RBM19: variants seen among roughly 807,000 people sequenced by gnomAD.
RBM19 encodes the protein probable RNA-binding protein 19.
In RBM19, 94 loss-of-function variants were observed where a neutral mutation model predicts 116.8. The observed-to-expected ratio is 0.80, with a 90% CI of 0.68 to 0.95. The LOEUF (loss-of-function observed/expected upper bound fraction) is 0.95. Among genes scored for constraint, RBM19 ranks in the 40% least tolerant of loss-of-function variants. The probability of loss-of-function intolerance (pLI) is 0.00; values close to 1 mark genes in which losing one functional copy is unlikely to be tolerated. For missense variants in RBM19, 1,161 were observed against 1,220.7 expected (o/e 0.95, Z 0.73); for synonymous variants, 475 against 494.1 (o/e 0.96, Z 0.51).
At chr12:113,877,316 C>T (rs4767154) in intron 21 of RBM19, among the ~76,000 whole-genome samples, 27,638 of 152,188 alleles carry the variant, frequency 0.18, 3,244 homozygotes, top group East Asian at 0.47. Context: ...CCCGTTACCA[C>T]AGAAGAAGCA....
downstream of RBM19, among the ~76,000 whole-genome samples, chr12:113,819,531 T>A (rs962458936): frequency 6.6e-6 from 1 of 152,206 alleles, no homozygotes; most frequent in Non-Finnish European, 1.5e-5. Flanking sequence ...GAGTGCTCCC[T>A]CCTCAGTGCC....
At chr12:113,958,542 T>A (rs1229281681) in intron 5 of RBM19, among the ~76,000 whole-genome samples, 3 of 152,158 alleles carry the variant, frequency 2.0e-5, no homozygotes, top group Non-Finnish European at 4.4e-5. Flanking sequence ...TTCCCTTGAC[T>A]GGAACCCCTT....
chr12:113,819,533 C>T (rs1874283964), downstream of RBM19, among the ~76,000 whole-genome samples: 1 of 152,248 alleles, frequency 6.6e-6, no homozygotes, highest in Non-Finnish European at 1.5e-5. Flanking sequence ...GTGCTCCCTC[C>T]TCAGTGCCAC....
intron 23 of RBM19, among the ~76,000 whole-genome samples, chr12:113,831,199 A>AC (rs1217402253): frequency 1.3e-5 from 2 of 152,250 alleles, no homozygotes; most frequent in East Asian, 3.9e-4. Context: ...TTGTTTTCAT[A>AC]ACTGGTAGGC....
chr12:113,871,602 C>A (rs981020094), intron 21 of RBM19, among the ~76,000 whole-genome samples: 11 of 152,204 alleles, frequency 7.2e-5, no homozygotes, highest in African/African-American at 2.7e-4. Flanking sequence ...ACGACGGGGA[C>A]GTAGGCTTTA....
intron 14 of RBM19, 138 bp from the exon 15 acceptor site, chr12:113,940,298 C>G (rs1249259066): frequency 9.4e-6 from 8 of 855,374 alleles, no homozygotes; most frequent in African/African-American, 1.7e-5. Flanking sequence ...GAGGAAGACC[C>G]AGGAGGAACG....
chr12:113,816,896 T>C (rs895530306), exon 25 of RBM19: 4 of 152,042 alleles, frequency 2.6e-5, no homozygotes, highest in African/African-American at 9.7e-5. Context: ...TACCAAAGGG[T>C]TAAAGTCATT....
intron 8 of RBM19, among the ~76,000 whole-genome samples, chr12:113,951,789 T>C (rs1871491739): frequency 6.6e-6 from 1 of 152,138 alleles, no homozygotes; most frequent in African/African-American, 2.4e-5. Context: ...TCAAGCACAC[T>C]TTCTTCCCCA....
At chr12:113,856,997 T>C (rs191756722) in intron 22 of RBM19, among the ~76,000 whole-genome samples, 3 of 152,356 alleles carry the variant, frequency 2.0e-5, no homozygotes, top group Admixed American at 6.5e-5. Flanking sequence ...TTGAAGTTTG[T>C]ATTGTAACAA....
chr12:113,957,876 G>A lies in RBM19; in HGVS notation c.746C>T (p.Ala249Val). The change falls in exon 6 of 24, where the codon GCC (alanine) becomes GTC (valine). Residue 249 changes from alanine to valine, a missense_variant. By Grantham distance (64) the Ala-to-Val change is moderately conservative. Transcript: ENST00000261741. ...GTCTCTTTCCTGCAGGACTGGGGTG[G>A]CGGAGGAATCCTCTTCCTCGGCCTC... is the stretch of plus-strand genomic sequence containing the variant. ...GSEAEEEDSS[A>V]TPVLQERDSK... 1 of 1,614,134 alleles carries A rather than the reference G, an allele frequency of 6.2e-7. No individual in the cohort carries two copies. Among genetic ancestry groups the A allele is most frequent in the African/African-American group, 1.3e-5 (1 of 75,042 alleles).
rs1401840485 is a variant in RBM19 at position 113,897,367 on chromosome 12, C to T, written c.2558+17602G>A. On this transcript the variant is annotated intron_variant, in intron 21 of 23. Transcript: ENST00000261741. ...TTTTAGTAGAGATGGGGTTTTACCC[C>T]GTTGGCCAGGCTGGTCTCAAGCTCC... 6.6e-5 allele frequency among the ~76,000 whole-genome samples: 10 copies of T among 152,288 alleles called. No individual in the cohort carries two copies. In the South Asian group the frequency reaches 1.0e-3, roughly 16 times the overall value.
rs115675904 is a variant in RBM19, at chr12:113,838,944, G to A, written c.2785+5724C>T. On this transcript the variant is annotated intron_variant, in intron 23 of 23. Transcript: ENST00000261741. ...GCCACTTCCCACTGTCCCTGAGTGCGGCTCACAGGCTACGGTGTCACCGGC... is the reference window on the plus strand; with the variant it reads ...GCCACTTCCCACTGTCCCTGAGTGCAGCTCACAGGCTACGGTGTCACCGGC... Among the ~76,000 whole-genome samples the A allele has an allele frequency of 8.9e-3, 1,349 of 152,314 alleles. 27 individuals carry two copies. Among genetic ancestry groups the A allele is most frequent in the African/African-American group, 0.031 (1,292 of 41,566 alleles).
Position 113,959,369 on chromosome 12 carries a change from T to G in RBM19, c.414A>C (p.Ser138=). The change falls in exon 5 of 24, where the codon TCA becomes TCC. Residue 138 remains serine (S), a synonymous_variant. Coordinates refer to ENST00000261741, the MANE Select transcript of RBM19 (RefSeq NM_016196.4). ...KEDTEFQEFL[S]VHQRRAQAAT... ...CTGCCTGCGCCCGCCTCTGATGAAC[T>G]GACAGAAACTCCTGGAACTCTGTAT... is the stretch of plus-strand genomic sequence containing the variant. 1 of 1,611,332 alleles carries G rather than the reference T, an allele frequency of 6.2e-7. No homozygotes were observed. Among genetic ancestry groups the G allele is most frequent in the Non-Finnish European group, 8.5e-7 (1 of 1,177,612 alleles).
chr12:113,957,028 G>C (rs1003844201), intron 6 of RBM19, among the ~76,000 whole-genome samples: 2 of 152,130 alleles, frequency 1.3e-5, no homozygotes, highest in African/African-American at 4.8e-5. Context: ...AAGGATAAAG[G>C]CTCAAAGCCA....
At chr12:113,821,280 G>A (rs1874397106), downstream of RBM19, among the ~76,000 whole-genome samples, 3 of 152,166 alleles carry the variant, frequency 2.0e-5, no homozygotes, top group Admixed American at 1.3e-4. Flanking sequence ...AAAGATGCCT[G>A]CCTCTGCACC....
intron 18 of RBM19, among the ~76,000 whole-genome samples, chr12:113,921,703 C>T (rs565651979): frequency 2.0e-5 from 3 of 152,292 alleles, no homozygotes; most frequent in Admixed American, 1.3e-4. Context: ...GTTCGTTCTG[C>T]AAGCAGATAC....
intron 23 of RBM19, among the ~76,000 whole-genome samples, chr12:113,841,511 C>T (rs1473409252): frequency 2.0e-5 from 3 of 151,448 alleles, no homozygotes; most frequent in East Asian, 1.9e-4. Flanking sequence ...GCAACCTCCG[C>T]GTCCCGGGTT....
chr12:113,823,688 T>G (rs1245368334), intron 23 of RBM19, among the ~76,000 whole-genome samples: 1 of 152,068 alleles, frequency 6.6e-6, no homozygotes, highest in Non-Finnish European at 1.5e-5. Flanking sequence ...CCCCATCTTC[T>G]ACCCGCAGGG....
intron 20 of RBM19, among the ~76,000 whole-genome samples, chr12:113,917,576 C>G (rs1387927951): frequency 2.0e-5 from 3 of 152,126 alleles, no homozygotes; most frequent in Non-Finnish European, 4.4e-5. Context: ...GCATTAACAA[C>G]AAAGAAAGAA....
Sources: allele counts gnomAD v4.1 joint callset (sites outside exome capture counted in the v4.1 genomes callset), GRCh38; gene constraint gnomAD v4.1.1; transcripts MANE v1.5; gene names NCBI Gene and HGNC (gene_info 2026-07-23, HGNC 2026-07-21).